The following OSBPL1A variants were observed in gnomAD, a reference collection of about 807,000 sequenced individuals.
The protein encoded by OSBPL1A is oxysterol-binding protein-related protein 1.
Under a neutral mutation model 137.1 loss-of-function variants are expected in OSBPL1A, and 80 were observed. The ratio of observed to expected loss-of-function variants is 0.58; its 90% CI spans 0.49 to 0.70. The LOEUF is 0.70. Ranked by LOEUF, OSBPL1A falls within the 30% of genes least tolerant of loss-of-function variation. OSBPL1A has a pLI of 0.00. For synonymous variants in OSBPL1A, 365 were observed against 389.7 expected, an observed-to-expected ratio of 0.94 and a Z score of 0.75; for missense variants, 970 against 1,129.4, an observed-to-expected ratio of 0.86 and a Z score of 2.02.
At chr18:24,384,391 T>C (rs1458858081) in intron 1 of OSBPL1A, among the ~76,000 whole-genome samples, 1 of 152,124 alleles carries the variant, frequency 6.6e-6, no homozygotes, top group Non-Finnish European at 1.5e-5. Flanking sequence ...CTGGCCAACA[T>C]GGGGAAACCC....
chr18:24,294,641 G>A (rs1242896797), intron 14 of OSBPL1A, among the ~76,000 whole-genome samples: 1 of 152,134 alleles, frequency 6.6e-6, no homozygotes, highest in African/African-American at 2.4e-5. Flanking sequence ...ACTTATAAAT[G>A]AGAACAAATG....
chr18:24,279,232 T>C (rs1455357810), intron 15 of OSBPL1A, among the ~76,000 whole-genome samples: 1 of 110,516 alleles, frequency 9.0e-6, no homozygotes, highest in Non-Finnish European at 1.9e-5. Context: ...CTGGGCAACA[T>C]ACAAAGGCCC....
At chr18:24,250,811 T>G (rs916988558) in intron 15 of OSBPL1A, among the ~76,000 whole-genome samples, 3 of 152,216 alleles carry the variant, frequency 2.0e-5, no homozygotes, top group African/African-American at 7.2e-5. Context: ...CTTAGTGTCA[T>G]GGAGTCCAGG....
chr18:24,364,837 C>G lies in OSBPL1A; in HGVS notation c.282+2055G>C, dbSNP rs1000043623. On this transcript the variant is annotated intron_variant, in intron 4 of 27. Transcript: ENST00000319481. The stretch of plus-strand genomic sequence containing the variant: ...GACCAGCCTGGGCAACATGGAGAAA[C>G]CCCGTCTCTACTAAAAATACAAGAA... 2.0e-4 allele frequency: 30 copies of G among 151,620 alleles called. 1 individual carries two copies. The highest frequency in any genetic ancestry group is 1.8e-3 in the Admixed American group (27 of 15,186). The allele number at this position is 151,620 out of a possible 1,614,324, so 9.4% of individuals were successfully genotyped here. A position where few individuals can be genotyped will look rare whatever the true frequency, so the allele number is the denominator to read the frequency against.
At chr18:24,343,769 C>T (rs62088013) in intron 4 of OSBPL1A, among the ~76,000 whole-genome samples, 20,083 of 152,138 alleles carry the variant, frequency 0.13, 1,509 homozygotes, top group East Asian at 0.3. Flanking sequence ...TAACCACATG[C>T]AGGAGAATGA....
intron 18 of OSBPL1A, among the ~76,000 whole-genome samples, chr18:24,181,510 T>C (rs1457101631): frequency 6.6e-6 from 1 of 152,202 alleles, no homozygotes; most frequent in Admixed American, 6.5e-5. Flanking sequence ...ACATTCTCCT[T>C]GGCTCCAGGG....
intron 17 of OSBPL1A, among the ~76,000 whole-genome samples, chr18:24,210,541 T>C (rs1266526989): frequency 6.6e-6 from 1 of 151,612 alleles, no homozygotes; most frequent in African/African-American, 2.4e-5. Flanking sequence ...TTTTCTTTTT[T>C]TTTTTTTCTT....
chr18:24,193,925 A>G (rs927932219), intron 18 of OSBPL1A, among the ~76,000 whole-genome samples: 2 of 152,254 alleles, frequency 1.3e-5, no homozygotes, highest in Non-Finnish European at 2.9e-5. Context: ...GTAAAACCGC[A>G]TTCTAGAGAA....
chr18:24,294,528 C>G (rs1397814311), intron 14 of OSBPL1A, among the ~76,000 whole-genome samples: 1 of 152,170 alleles, frequency 6.6e-6, no homozygotes, highest in Non-Finnish European at 1.5e-5. Context: ...GCCACTGTGC[C>G]CGGTCCAATA....
At position 24,207,454 on chromosome 18, in the gene OSBPL1A, A is replaced by G. The variant is rs145022407; in HGVS notation, c.1602-11254T>C. On this transcript the variant is annotated intron_variant, in intron 17 of 27. Coordinates refer to ENST00000319481, the MANE Select transcript of OSBPL1A (RefSeq NM_080597.4). ...ACACATTTTCACTTGCACTTAACAA[A>G]TAAGTATTTTTTATTAAGTATTATG... Among the ~76,000 whole-genome samples, 564 of 152,358 alleles carry G rather than the reference A, an allele frequency of 3.7e-3. 7 individuals carry two copies. Among genetic ancestry groups the G allele is most frequent in the African/African-American group, 0.013 (544 of 41,582 alleles).
At chr18:24,297,670 T>A (rs374834620) in intron 14 of OSBPL1A, among the ~76,000 whole-genome samples, 1 of 152,242 alleles carries the variant, frequency 6.6e-6, no homozygotes, top group Non-Finnish European at 1.5e-5. Context: ...ATAAACATAT[T>A]ATTTAATTTC....
At chr18:24,373,302 C>T (rs1269844758) in intron 2 of OSBPL1A, among the ~76,000 whole-genome samples, 2 of 152,140 alleles carry the variant, frequency 1.3e-5, no homozygotes, top group East Asian at 3.8e-4. Context: ...ACATTTGGAC[C>T]TCCTAGTAAA....
intron 15 of OSBPL1A, among the ~76,000 whole-genome samples, chr18:24,261,610 A>G (rs766336922): frequency 1.6e-4 from 25 of 152,284 alleles, no homozygotes; most frequent in Admixed American, 8.5e-4. Context: ...AGACGGGCAG[A>G]TTACTTGAGC....
intron 15 of OSBPL1A, among the ~76,000 whole-genome samples, chr18:24,270,567 G>C (rs184529530): frequency 6.6e-6 from 1 of 152,136 alleles, no homozygotes; most frequent in Non-Finnish European, 1.5e-5. Context: ...GTAGCACTGG[G>C]ACAGAGGCTG....
At chr18:24,328,516 G>C (rs941954915) in intron 7 of OSBPL1A, among the ~76,000 whole-genome samples, 5 of 152,068 alleles carry the variant, frequency 3.3e-5, no homozygotes, top group Non-Finnish European at 7.3e-5. Flanking sequence ...CTGTCTTAGG[G>C]ACACAGGGAA....
chr18:24,260,177 A>G (rs1053859581), intron 15 of OSBPL1A, among the ~76,000 whole-genome samples: 1 of 152,206 alleles, frequency 6.6e-6, no homozygotes. Context: ...ATAAGTGTTC[A>G]GAAGAATGTG....
chr18:24,361,031 A>G (rs2091612807), intron 4 of OSBPL1A, among the ~76,000 whole-genome samples: 1 of 151,972 alleles, frequency 6.6e-6, no homozygotes. Context: ...AAGTGTGGTA[A>G]TTTTCTTTTC....
intron 15 of OSBPL1A, among the ~76,000 whole-genome samples, chr18:24,257,301 A>C (rs1448710411): frequency 6.6e-6 from 1 of 152,210 alleles, no homozygotes; most frequent in Non-Finnish European, 1.5e-5. Flanking sequence ...ATGGAACGGA[A>C]TACAGAACCC....
chr18:24,205,341 A>T (rs2087338792), intron 17 of OSBPL1A, among the ~76,000 whole-genome samples: 1 of 152,204 alleles, frequency 6.6e-6, no homozygotes, highest in Admixed American at 6.5e-5. Context: ...AACAATGCAT[A>T]CAGAGAGTGT....
Sources: allele counts gnomAD v4.1 joint callset (sites outside exome capture counted in the v4.1 genomes callset), GRCh38; gene constraint gnomAD v4.1.1; transcripts MANE v1.5; gene names NCBI Gene and HGNC (gene_info 2026-07-23, HGNC 2026-07-21).